Variants in SEPTIN9 observed in about 807,000 individuals in gnomAD.
SEPTIN9 encodes the protein septin-9.
In SEPTIN9, 13 loss-of-function variants were observed where a neutral mutation model predicts 56.6. That is an observed-to-expected ratio of 0.23 (90% CI 0.15 to 0.37). SEPTIN9 has a LOEUF of 0.37. Among genes scored for constraint, SEPTIN9 ranks in the 10% least tolerant of loss-of-function variants. The probability of loss-of-function intolerance (pLI) is 1.00; values close to 1 mark genes in which losing one functional copy is unlikely to be tolerated. For synonymous variants in SEPTIN9, 332 were observed against 334.1 expected, an observed-to-expected ratio of 0.99 and a Z score of 0.07; for missense variants, 650 against 823.1, an observed-to-expected ratio of 0.79 and a Z score of 2.57.
chr17:77,498,504 C>A lies in SEPTIN9; in HGVS notation c.1626-19C>A. 1 of 447,556 alleles carries A rather than the reference C, an allele frequency of 2.2e-6. No individual in the cohort carries two copies. Among genetic ancestry groups the A allele is most frequent in the Non-Finnish European group, 4.4e-6 (1 of 226,778 alleles). 27.7% of individuals were successfully genotyped at this position (447,556 alleles called of 1,614,324 possible). On this transcript the variant is annotated intron_variant, in intron 11 of 11. Coordinates refer to ENST00000427177, the MANE Select transcript of SEPTIN9 (RefSeq NM_001113491.2). ...CGCTGCGCCCACCTCACTGACCCGC[C>A]CGCCCCCCACCCCCACAGGACGCAC... is the stretch of plus-strand genomic sequence containing the variant.
At chr17:77,466,016 G>A (rs1187161481) in intron 3 of SEPTIN9, among the ~76,000 whole-genome samples, 2 of 150,436 alleles carry the variant, frequency 1.3e-5, no homozygotes, top group East Asian at 2.0e-4. Flanking sequence ...CAGGGCCAAC[G>A]TCTTGGGGAA....
rs2038045672 is a variant in SEPTIN9, at chr17:77,453,024, C to T, written c.722-29120C>T. ...GTTGCTGCTGACTCCCAGCTTGCCCCTTCTGTCCCCTGGCCATTTCTGTGT... is the reference window on the plus strand; with the variant it reads ...GTTGCTGCTGACTCCCAGCTTGCCCTTTCTGTCCCCTGGCCATTTCTGTGT... On this transcript the variant is annotated intron_variant, in intron 3 of 11. Transcript: ENST00000427177. The surrounding 1 kb of genome is among the most constrained non-coding windows in gnomAD (Gnocchi z 4.4). 6.6e-6 allele frequency among the ~76,000 whole-genome samples: 1 copy of T among 151,724 alleles called. No individual in the cohort carries two copies. Among genetic ancestry groups the T allele is most frequent in the African/African-American group, 2.4e-5 (1 of 41,240 alleles).
chr17:77,497,930 G>A (rs929516848), intron 11 of SEPTIN9, among the ~76,000 whole-genome samples: 1 of 151,944 alleles, frequency 6.6e-6, no homozygotes, highest in Non-Finnish European at 1.5e-5. Flanking sequence ...CCAGGTTGGC[G>A]GGGGCAGGGG....
At chr17:77,465,146 A>G (rs752947653) in intron 3 of SEPTIN9, among the ~76,000 whole-genome samples, 6 of 152,236 alleles carry the variant, frequency 3.9e-5, no homozygotes, top group Non-Finnish European at 8.8e-5. Flanking sequence ...TTCAAGGCTC[A>G]TCCACATTGT....
chr17:77,467,626 G>A (rs745723253), intron 3 of SEPTIN9, among the ~76,000 whole-genome samples: 4 of 152,176 alleles, frequency 2.6e-5, no homozygotes, highest in East Asian at 1.9e-4. Flanking sequence ...CCATCCTTCC[G>A]CCTTAATGCT....
At chr17:77,376,257 C>T (rs312826) in intron 2 of SEPTIN9, 676,526 of 985,712 alleles carry the variant, frequency 0.69, 232,929 homozygotes, top group Non-Finnish European at 0.7. Context: ...GGCCAGGCTG[C>T]GGAGGGCCAG....
intron 2 of SEPTIN9, among the ~76,000 whole-genome samples, chr17:77,320,659 G>A (rs2143654812): frequency 6.6e-6 from 1 of 152,334 alleles, no homozygotes; most frequent in East Asian, 1.9e-4. Context: ...ACCTTGGGAG[G>A]GTGTGGGGGA....
At chr17:77,491,307 C>A (rs2040015521) in intron 8 of SEPTIN9, among the ~76,000 whole-genome samples, 1 of 152,052 alleles carries the variant, frequency 6.6e-6, no homozygotes, top group Non-Finnish European at 1.5e-5. Flanking sequence ...GCCTCCACCT[C>A]CCAGGCTCAG....
At position 77,480,074 on chromosome 17, in the gene SEPTIN9, G is replaced by T. The variant is rs988363508; in HGVS notation, c.722-2070G>T. The stretch of plus-strand genomic sequence containing the variant: ...GCTTCCAGGCTGCGTGGCCTGGGTG[G>T]GGGCCACGTGGGGGCACAGAGAGAG... On this transcript the variant is annotated intron_variant, in intron 3 of 11. Transcript: ENST00000427177. Among the ~76,000 whole-genome samples, 4 of 152,226 alleles carry T rather than the reference G, an allele frequency of 2.6e-5. No individual in the cohort carries two copies. The East Asian group carries it at 7.7e-4, about 29-fold the overall frequency.
In SEPTIN9 at chr17:77,499,450, GGA is replaced by G. The variant is rs1253014877; in HGVS notation, c.*797_*798del. On this transcript the variant is annotated 3_prime_UTR_variant, in exon 12 of 12. Transcript: ENST00000427177. ...GGATCTGATTGAGGATAAAAAGGAA[GGA>G]GAGATGACCCCTACCCCCTCATCCC... The G allele has an allele frequency of 9.4e-6, 5 of 534,452 alleles. No individual in the cohort carries two copies. The East Asian group carries it at 1.9e-4, about 21-fold the overall frequency. 33.1% of individuals were successfully genotyped at this position (534,452 alleles called of 1,614,324 possible). A position where few individuals can be genotyped will look rare whatever the true frequency, so the allele number is the denominator to read the frequency against.
Position 77,421,602 on chromosome 17 carries a change from T to A in SEPTIN9, c.721+18899T>A, listed in dbSNP as rs2036704153. On this transcript the variant is annotated intron_variant, in intron 3 of 11. Coordinates refer to ENST00000427177, the MANE Select transcript of SEPTIN9 (RefSeq NM_001113491.2). The surrounding 1 kb of genome is among the most constrained non-coding windows in gnomAD (Gnocchi z 4.6). The stretch of plus-strand genomic sequence containing the variant: ...CATGTCCCAGAATGCACCCTCTGCG[T>A]GTACAGGGATGGCTTTTGGGCCATT... Among the ~76,000 whole-genome samples the A allele has an allele frequency of 6.6e-6, 1 of 152,170 alleles. No individual in the cohort carries two copies. The highest frequency in any genetic ancestry group is 1.5e-5 in the Non-Finnish European group (1 of 68,014).
intron 3 of SEPTIN9, chr17:77,428,882 A>G (rs111444148): frequency 6.0e-4 from 245 of 410,410 alleles, no homozygotes; most frequent in African/African-American, 4.5e-3. Context: ...TTGACTCTGA[A>G]TTTGCCTCAT....
rs375656845 is a variant in SEPTIN9 at position 77,433,366 on chromosome 17, G to A, written c.721+30663G>A. Reference sequence around the variant, plus strand: ...GCCCCAAGGAGCAGAAAGGGGGTTCGCTAGGTCAGGGTGGGGCTGGGTGCG... The same window carrying A: ...GCCCCAAGGAGCAGAAAGGGGGTTCACTAGGTCAGGGTGGGGCTGGGTGCG... On this transcript the variant is annotated intron_variant, in intron 3 of 11. Transcript: ENST00000427177. The surrounding 1 kb of genome is among the most constrained non-coding windows in gnomAD (Gnocchi z 6.4). Among the ~76,000 whole-genome samples the A allele has an allele frequency of 5.3e-5, 8 of 151,990 alleles. No homozygotes were observed. The East Asian group carries it at 1.4e-3, about 26-fold the overall frequency.
intron 1 of SEPTIN9, among the ~76,000 whole-genome samples, chr17:77,289,407 C>CTTT (rs572213399): frequency 1.2e-4 from 12 of 102,526 alleles, no homozygotes; most frequent in Non-Finnish European, 1.4e-4. Context: ...TGCATTTATG[C>CTTT]TTTTTTTTTT....
At chr17:77,390,034 C>A (rs534896859) in intron 2 of SEPTIN9, among the ~76,000 whole-genome samples, 1 of 152,160 alleles carries the variant, frequency 6.6e-6, no homozygotes, top group African/African-American at 2.4e-5. Flanking sequence ...GGAGCAGGCA[C>A]AGAGAGGCCT....
intron 3 of SEPTIN9, among the ~76,000 whole-genome samples, chr17:77,458,353 T>TGTTC (rs1231289162): frequency 2.6e-5 from 4 of 152,192 alleles, no homozygotes; most frequent in Non-Finnish European, 4.4e-5. Flanking sequence ...CTCCCTGCCT[T>TGTTC]GTTCCAGCCC....
At chr17:77,284,776 C>T (rs1419728923) in intron 1 of SEPTIN9, among the ~76,000 whole-genome samples, 4 of 152,030 alleles carry the variant, frequency 2.6e-5, no homozygotes, top group East Asian at 1.9e-4. Context: ...ATTGTAGGAA[C>T]GTGCCACTGC....
chr17:77,350,349 G>A (rs570063695), intron 2 of SEPTIN9, among the ~76,000 whole-genome samples: 33 of 152,318 alleles, frequency 2.2e-4, no homozygotes, highest in Non-Finnish European at 4.1e-4. Context: ...CCTTCTCTCT[G>A]TTCTTGTGCT....
chr17:77,395,392 G>T (rs1243683194), intron 2 of SEPTIN9, among the ~76,000 whole-genome samples: 1 of 152,086 alleles, frequency 6.6e-6, no homozygotes, highest in Non-Finnish European at 1.5e-5. Context: ...GCCAGACGTG[G>T]TGGCCGGGCA....
Sources: gnomAD v4.1 joint callset for allele counts (sites outside exome capture counted in the v4.1 genomes callset) on GRCh38, gnomAD v4.1.1 for gene constraint, Gnocchi (gnomAD v3.1) non-coding constraint, MANE v1.5 for transcripts, NCBI Gene and HGNC (gene_info 2026-07-23, HGNC 2026-07-21) for gene names.